Variants in WWOX observed in about 807,000 individuals in gnomAD.
WWOX encodes WW domain-containing oxidoreductase.
Under a neutral mutation model 46.2 loss-of-function variants are expected in WWOX, and 69 were observed. The ratio of observed to expected loss-of-function variants is 1.49; its 90% CI spans 1.23 to 1.82. WWOX has a LOEUF of 1.82. Among genes scored for constraint, WWOX ranks in the 40% most tolerant of loss-of-function variants. WWOX has a pLI of 0.00. For synonymous variants in WWOX, 359 were observed against 202.6 expected, an observed-to-expected ratio of 1.77 and a Z score of -6.56; for missense variants, 919 against 542.6, an observed-to-expected ratio of 1.69 and a Z score of -6.89.
rs530863641 is a variant in WWOX at position 78,738,825 on chromosome 16, A to C, written c.1056+306073A>C. On this transcript the variant is annotated intron_variant, in intron 8 of 8. Transcript: ENST00000566780. ...ACAAAGCCACAGTCTCCTAGTCCTA[A>C]TATTAAGAGGTAGGAGGTAGATAGA... is the stretch of plus-strand genomic sequence containing the variant. Among the ~76,000 whole-genome samples, 8 of 152,238 alleles carry C rather than the reference A, an allele frequency of 5.3e-5. No homozygotes were observed. The South Asian group carries it at 1.7e-3, about 32-fold the overall frequency.
chr16:78,101,341 C>T (rs1387759201), intron 1 of WWOX, among the ~76,000 whole-genome samples: 1 of 41,468 alleles, frequency 2.4e-5, no homozygotes, highest in African/African-American at 5.6e-5. Context: ...GCTACCGCTC[C>T]CGGCCTTTTT....
chr16:78,705,244 T>C (rs541234315), intron 8 of WWOX, among the ~76,000 whole-genome samples: 1 of 152,342 alleles, frequency 6.6e-6, no homozygotes, highest in South Asian at 2.1e-4. Flanking sequence ...TGAGAGGTTT[T>C]CTCTATGCAT....
chr16:78,736,233 C>T (rs913957957), intron 8 of WWOX, among the ~76,000 whole-genome samples: 6 of 152,162 alleles, frequency 3.9e-5, no homozygotes, highest in Non-Finnish European at 5.9e-5. Flanking sequence ...AAACTTGACC[C>T]GCTTGAGGCC....
In WWOX at chr16:78,237,972, G is replaced by C. The variant is rs76226492; in HGVS notation, c.516+73683G>C. On this transcript the variant is annotated intron_variant, in intron 5 of 8. Coordinates refer to ENST00000566780, the MANE Select transcript of WWOX (RefSeq NM_016373.4). ...GCTCCCAAATTCTCTCATTAAACCAGATCCCTTGAGGGAAGCCTGGTTTAC... is the reference window on the plus strand; with the variant it reads ...GCTCCCAAATTCTCTCATTAAACCACATCCCTTGAGGGAAGCCTGGTTTAC... 1.6e-4 allele frequency: 24 copies of C among 152,242 alleles called. No homozygotes were observed. The East Asian group carries it at 4.6e-3, about 29-fold the overall frequency. The allele number at this position is 152,242 out of a possible 1,614,324, so 9.4% of individuals were successfully genotyped here. A position where few individuals can be genotyped will look rare whatever the true frequency, so the allele number is the denominator to read the frequency against.
chr16:78,773,175 A>G (rs1212591390), intron 8 of WWOX, among the ~76,000 whole-genome samples: 2 of 152,214 alleles, frequency 1.3e-5, no homozygotes, highest in South Asian at 2.1e-4. Context: ...CTAAGCCGCT[A>G]GAACAGTGCC....
At position 78,996,210 on chromosome 16, in the gene WWOX, G is replaced by C. The variant is rs529983079; in HGVS notation, c.1057-215398G>C. 15 of 984,380 alleles carry C rather than the reference G, an allele frequency of 1.5e-5. No individual in the cohort carries two copies. The African/African-American group carries it at 2.6e-4, about 17-fold the overall frequency. 61.0% of individuals were successfully genotyped at this position (984,380 alleles called of 1,614,324 possible). A position where few individuals can be genotyped will look rare whatever the true frequency, so the allele number is the denominator to read the frequency against. Reference sequence around the variant, plus strand: ...ATAAAATCTCCATTTAGAAATTTTTGAAGACTTGTGGATAGAAGAAGTAAC... The same window carrying C: ...ATAAAATCTCCATTTAGAAATTTTTCAAGACTTGTGGATAGAAGAAGTAAC... On this transcript the variant is annotated intron_variant, in intron 8 of 8. Transcript: ENST00000566780.
intron 5 of WWOX, among the ~76,000 whole-genome samples, chr16:78,304,922 T>A (rs1004435645): frequency 2.0e-5 from 3 of 151,952 alleles, no homozygotes; most frequent in African/African-American, 7.3e-5. Flanking sequence ...TCTTCCTCTC[T>A]TTCCTTCCTC....
chr16:78,900,534 A>G lies in WWOX; in HGVS notation c.1057-311074A>G, dbSNP rs186572026. ...GTCCCTATTCACATAAGAATTTTCT[A>G]AGCAGAGGTTCCAATTTGGATATTT... On this transcript the variant is annotated intron_variant, in intron 8 of 8. Transcript: ENST00000566780. Among the ~76,000 whole-genome samples the G allele has an allele frequency of 2.0e-4, 31 of 152,326 alleles. No homozygotes were observed. The East Asian group carries it at 2.1e-3, about 10-fold the overall frequency.
At chr16:78,197,866 C>G (rs965539515) in intron 5 of WWOX, among the ~76,000 whole-genome samples, 1 of 152,136 alleles carries the variant, frequency 6.6e-6, no homozygotes, top group South Asian at 2.1e-4. Flanking sequence ...AAACAGAGCC[C>G]CCATATGTTT....
intron 8 of WWOX, among the ~76,000 whole-genome samples, chr16:78,528,938 C>G (rs1156304465): frequency 6.8e-6 from 1 of 147,198 alleles, no homozygotes; most frequent in East Asian, 2.0e-4. Flanking sequence ...TTTCCTTTTT[C>G]TTTTCTTTTC....
At chr16:78,133,336 G>C (rs1021043216) in intron 4 of WWOX, among the ~76,000 whole-genome samples, 19 of 152,166 alleles carry the variant, frequency 1.2e-4, no homozygotes, top group African/African-American at 4.1e-4. Context: ...TCTCGGCTCA[G>C]TGCAAGGTCC....
chr16:78,562,556 C>T (rs2044464474), intron 8 of WWOX, among the ~76,000 whole-genome samples: 1 of 152,202 alleles, frequency 6.6e-6, no homozygotes, highest in African/African-American at 2.4e-5. Flanking sequence ...CTGCCCTTGG[C>T]ATTGCACGTG....
At chr16:78,894,318 C>G (rs757760189) in intron 8 of WWOX, among the ~76,000 whole-genome samples, 14 of 152,054 alleles carry the variant, frequency 9.2e-5, no homozygotes, top group Non-Finnish European at 2.1e-4. Flanking sequence ...ATATTTTAGA[C>G]TCAAGCCTGG....
intron 5 of WWOX, among the ~76,000 whole-genome samples, chr16:78,260,656 A>G (rs1424843820): frequency 6.7e-6 from 1 of 149,248 alleles, no homozygotes; most frequent in Non-Finnish European, 1.5e-5. Context: ...TGACAAAGCT[A>G]TACTCCATCT....
At chr16:78,138,854 G>A (rs1478814002) in intron 4 of WWOX, among the ~76,000 whole-genome samples, 1 of 152,210 alleles carries the variant, frequency 6.6e-6, no homozygotes, top group Non-Finnish European at 1.5e-5. Context: ...CTTCTGAATT[G>A]CAATCATCAT....
intron 8 of WWOX, among the ~76,000 whole-genome samples, chr16:78,838,502 A>T (rs2052051424): frequency 6.6e-6 from 1 of 152,252 alleles, no homozygotes; most frequent in African/African-American, 2.4e-5. Context: ...TTACATTGGT[A>T]GGATTCCATT....
At chr16:78,847,833 C>T (rs78788905) in intron 8 of WWOX, among the ~76,000 whole-genome samples, 1 of 152,126 alleles carries the variant, frequency 6.6e-6, no homozygotes, top group East Asian at 1.9e-4. Context: ...AACACCTGTC[C>T]TGTATGACTG....
At position 78,334,917 on chromosome 16, in the gene WWOX, C is replaced by CT. The variant is rs202225216; in HGVS notation, c.517-51936dup. ...ATTAAACTCATTGAGGAGATACCAT[C>CT]TTTTTTTAAAAAAAAAAAAAAGGCA... On this transcript the variant is annotated intron_variant, in intron 5 of 8. Transcript: ENST00000566780. Among the ~76,000 whole-genome samples, 430 of 109,864 alleles carry CT rather than the reference C, an allele frequency of 3.9e-3. 5 individuals carry two copies. The highest frequency in any genetic ancestry group is 0.014 in the Middle Eastern group (3 of 220). 72.1% of individuals were successfully genotyped at this position (109,864 alleles called of 152,430 possible).
chr16:78,729,920 C>T (rs2048928660), intron 8 of WWOX, among the ~76,000 whole-genome samples: 1 of 152,156 alleles, frequency 6.6e-6, no homozygotes, highest in Non-Finnish European at 1.5e-5. Context: ...TGAATGTAAA[C>T]AGACACAGTG....
Sources: gnomAD v4.1 joint callset for allele counts (sites outside exome capture counted in the v4.1 genomes callset) on GRCh38, gnomAD v4.1.1 for gene constraint, MANE v1.5 for transcripts, NCBI Gene and HGNC (gene_info 2026-07-23, HGNC 2026-07-21) for gene names.